The following LSMEM2 variants were observed in gnomAD, a reference collection of about 807,000 sequenced individuals.
LSMEM2 encodes leucine rich single-pass membrane protein 2, also known as leucine-rich single-pass membrane protein 2.
LSMEM2 carries 20 observed loss-of-function variants against 17.3 expected under a neutral mutation model. The ratio of observed to expected loss-of-function variants is 1.16; its 90% CI spans 0.81 to 1.68. The LOEUF is 1.68. Among genes scored for constraint, LSMEM2 ranks in the 40% most tolerant of loss-of-function variants. The pLI is 0.00. For synonymous variants in LSMEM2, 94 were observed against 97.8 expected (o/e 0.96, Z 0.23); for missense variants, 207 against 214.3 (o/e 0.97, Z 0.21).
At chr3:50,279,197 G>A in intron 1 of LSMEM2, 26 bp downstream of exon 1, 1 of 1,609,698 alleles carries the variant, frequency 6.2e-7, no homozygotes, top group Non-Finnish European at 8.5e-7. Context: ...CATGAGGGAG[G>A]GCAAGGCCTC....
In LSMEM2 at chr3:50,287,247, A is replaced by C. The variant is rs587701720; in HGVS notation, c.*45A>C. 1.2e-6 allele frequency: 2 copies of C among 1,608,968 alleles called. No individual in the cohort carries two copies. Among genetic ancestry groups the C allele is most frequent in the Admixed American group, 1.7e-5 (1 of 59,722 alleles). ...GCCTGGGGGTGTGTGTTGGTGGGGG[A>C]ATAAAGTGGCTATGGGCAGGTCTCT... On this transcript the variant is annotated 3_prime_UTR_variant, in exon 4 of 4. Transcript: ENST00000316436.
chr3:50,278,568 G>A (rs894324986), upstream of LSMEM2, among the ~76,000 whole-genome samples: 3 of 152,096 alleles, frequency 2.0e-5, no homozygotes, highest in African/African-American at 7.2e-5. Flanking sequence ...GGCCAGCATG[G>A]GTGCTGTTGG....
In LSMEM2 at chr3:50,286,805, CTCG is replaced by C. The variant is rs1319407177; in HGVS notation, c.305_307del (p.Leu102_Ala103delinsPro). ...CAGACGAGGAGGGTTCCTGCTGCTG[CTCG>C]CGCTGCTGGTGCTCACTTGCCTAGT... is the stretch of plus-strand genomic sequence containing the variant. On this transcript the variant is annotated inframe_deletion, in exon 3 of 4. Transcript: ENST00000316436. 10 of 1,614,014 alleles carry C rather than the reference CTCG, an allele frequency of 6.2e-6. No homozygotes were observed. The highest frequency in any genetic ancestry group is 8.5e-6 in the Non-Finnish European group (10 of 1,180,048).
upstream of LSMEM2, among the ~76,000 whole-genome samples, chr3:50,278,071 T>C (rs79753521): frequency 9.5e-4 from 145 of 152,344 alleles, 1 homozygote; most frequent in East Asian, 0.017. Flanking sequence ...CACAGGGCTA[T>C]CTGGGAGCAG....
At position 50,288,037 on chromosome 3, in the gene LSMEM2, T is replaced by C; in HGVS notation, c.*835T>C. 3.0e-6 allele frequency: 2 copies of C among 669,610 alleles called. No homozygotes were observed. The highest frequency in any genetic ancestry group is 5.3e-6 in the Non-Finnish European group (2 of 376,258). 41.5% of individuals were successfully genotyped at this position (669,610 alleles called of 1,614,324 possible). A position where few individuals can be genotyped will look rare whatever the true frequency, so the allele number is the denominator to read the frequency against. On this transcript the variant is annotated 3_prime_UTR_variant, in exon 4 of 4. Coordinates refer to ENST00000316436, the MANE Select transcript of LSMEM2 (RefSeq NM_153215.3). ...GACAAAGGGGTCAGGGTCCCAAGTG[T>C]CCGGGCCCCCAGCTACCCACCCCAT...
At position 50,287,410 on chromosome 3, in the gene LSMEM2, C is replaced by A; in HGVS notation, c.*208C>A. 1 of 706,396 alleles carries A rather than the reference C, an allele frequency of 1.4e-6. No individual in the cohort carries two copies. The highest frequency in any genetic ancestry group is 1.9e-5 in the South Asian group (1 of 52,802). The allele number at this position is 706,396 out of a possible 1,614,324, so 43.8% of individuals were successfully genotyped here. On this transcript the variant is annotated 3_prime_UTR_variant, in exon 4 of 4. Coordinates refer to ENST00000316436, the MANE Select transcript of LSMEM2 (RefSeq NM_153215.3). ...CCTAGCCAAGCCTCTGGTGCCAAAG[C>A]CTCGCTTTGGGTGGCCCAAGGTCAG...
chr3:50,284,749 TCTCAGGCCAGGCGCGATGG>T lies in LSMEM2; in HGVS notation c.59-1717_59-1699del, dbSNP rs1701477422. On this transcript the variant is annotated intron_variant, in intron 1 of 3. Transcript: ENST00000316436. ...ATCTGTCTCAAAAACAAAACAAAAA[TCTCAGGCCAGGCGCGATGG>T]CTCACGCCTGTAATCCCAGCACTTT... 2.0e-5 allele frequency among the ~76,000 whole-genome samples: 3 copies of T among 148,966 alleles called. No individual in the cohort carries two copies. The South Asian group carries it at 6.4e-4, about 32-fold the overall frequency.
Position 50,287,651 on chromosome 3 carries a change from C to G in LSMEM2, c.*449C>G, listed in dbSNP as rs1457169272. 1 of 227,540 alleles carries G rather than the reference C, an allele frequency of 4.4e-6. No homozygotes were observed. Among genetic ancestry groups the G allele is most frequent in the Non-Finnish European group, 8.8e-6 (1 of 113,888 alleles). The allele number at this position is 227,540 out of a possible 1,614,324, so 14.1% of individuals were successfully genotyped here. A position where few individuals can be genotyped will look rare whatever the true frequency, so the allele number is the denominator to read the frequency against. On this transcript the variant is annotated 3_prime_UTR_variant, in exon 4 of 4. Transcript: ENST00000316436. ...ACCTGGGGAAGACTGCCTTGGAGGG[C>G]AAAGGTGACATCGTGGAAGACCAGT...
intron 1 of LSMEM2, among the ~76,000 whole-genome samples, chr3:50,279,494 C>T (rs587736095): frequency 6.6e-6 from 1 of 152,280 alleles, no homozygotes; most frequent in East Asian, 1.9e-4. Flanking sequence ...GCTGCCTGGC[C>T]GGTTCAGCTC....
intron 1 of LSMEM2, among the ~76,000 whole-genome samples, chr3:50,279,878 C>CT (rs781923861): frequency 0.014 from 2,045 of 144,158 alleles, 11 homozygotes; most frequent in East Asian, 0.046. Context: ...ACATTTTCAA[C>CT]TTTTTTTTTT....
chr3:50,285,742 G>A (rs1392982368), intron 1 of LSMEM2, among the ~76,000 whole-genome samples: 4 of 152,154 alleles, frequency 2.6e-5, no homozygotes, highest in Admixed American at 6.5e-5. Flanking sequence ...CATATTCAAC[G>A]GTGGATGTCC....
In LSMEM2 at chr3:50,286,705, G is replaced by A. The variant is rs1553708564; in HGVS notation, c.204G>A (p.Glu68=). ...CACTGCGCCCCTATCTAACTGAAGA[G>A]GCACGACCGTGGGATGAGCTGCTGG... ...AGTLRPYLTE[E]ARPWDELLGV... Residue 68 remains glutamate (E), a synonymous_variant, in exon 3 of 4, where the codon GAG becomes GAA. Coordinates refer to ENST00000316436, the MANE Select transcript of LSMEM2 (RefSeq NM_153215.3). 4 of 1,614,196 alleles carry A rather than the reference G, an allele frequency of 2.5e-6. No individual in the cohort carries two copies. In the African/African-American group the frequency reaches 5.3e-5, roughly 22 times the overall value.
intron 1 of LSMEM2, among the ~76,000 whole-genome samples, chr3:50,283,909 T>TA (rs1701458849): frequency 6.6e-6 from 1 of 152,136 alleles, no homozygotes; most frequent in African/African-American, 2.4e-5. Flanking sequence ...AATTGATAAT[T>TA]AAGAAGCCAC....
chr3:50,286,591 G>A lies in LSMEM2; in HGVS notation c.172+7G>A, dbSNP rs148644265. ...AGCGACCTACATAGTGGAGGTGAGT[G>A]GGGACAGTGGGGTGGATGATGTGCT... On this transcript the variant is annotated splice_region_variant and intron_variant, in intron 2 of 3. Coordinates refer to ENST00000316436, the MANE Select transcript of LSMEM2 (RefSeq NM_153215.3). 490 of 1,611,480 alleles carry A rather than the reference G, an allele frequency of 3.0e-4. 2 individuals are homozygous for A. In the East Asian group the frequency reaches 4.8e-3, roughly 16 times the overall value.
intron 1 of LSMEM2, among the ~76,000 whole-genome samples, chr3:50,283,219 CGA>C (rs1466339653): frequency 4.7e-5 from 7 of 149,900 alleles, no homozygotes; most frequent in Non-Finnish European, 8.9e-5. Context: ...CGGCTGGGTG[CGA>C]TGGCTCACGC....
upstream of LSMEM2, among the ~76,000 whole-genome samples, chr3:50,278,778 G>A (rs894292455): frequency 6.6e-6 from 1 of 152,188 alleles, no homozygotes; most frequent in South Asian, 2.1e-4. Flanking sequence ...AAATAGAGAT[G>A]CACAGGCTTC....
intron 1 of LSMEM2, among the ~76,000 whole-genome samples, chr3:50,284,007 A>G (rs1350671274): frequency 6.6e-6 from 1 of 152,074 alleles, no homozygotes; most frequent in Non-Finnish European, 1.5e-5. Flanking sequence ...GGAGTTTGAG[A>G]CCAGCCTGGC....
intron 1 of LSMEM2, among the ~76,000 whole-genome samples, chr3:50,281,359 C>CAGGGT (rs1553707751): frequency 8.6e-6 from 1 of 116,858 alleles, no homozygotes; most frequent in African/African-American, 3.4e-5. Flanking sequence ...TGCGCCCGGC[C>CAGGGT]CTTTTTTTTT....
intron 1 of LSMEM2, among the ~76,000 whole-genome samples, chr3:50,282,322 C>T (rs1159266734): frequency 6.6e-6 from 1 of 152,172 alleles, no homozygotes; most frequent in Non-Finnish European, 1.5e-5. Context: ...TTCAACCCAC[C>T]ACCCAGACAT....
Sources: allele counts gnomAD v4.1 joint callset (sites outside exome capture counted in the v4.1 genomes callset), GRCh38; gene constraint gnomAD v4.1.1; transcripts MANE v1.5; gene names NCBI Gene and HGNC (gene_info 2026-07-23, HGNC 2026-07-21).